Variants in BRF1 observed in about 807,000 individuals in gnomAD.
The protein encoded by BRF1 is BRF1 general transcription factor IIIB subunit.
A neutral mutation model predicts 81.7 loss-of-function variants in BRF1; 59 were observed. The observed-to-expected ratio is 0.72, with a 90% CI of 0.59 to 0.90. BRF1 has a LOEUF of 0.90. Ranked by LOEUF, BRF1 falls within the 40% of genes least tolerant of loss-of-function variation. BRF1 has a pLI of 0.00. For synonymous variants in BRF1, 491 were observed against 395.6 expected, an observed-to-expected ratio of 1.24 and a Z score of -2.86; for missense variants, 1,050 against 936.3, an observed-to-expected ratio of 1.12 and a Z score of -1.58.
intron 1 of BRF1, among the ~76,000 whole-genome samples, chr14:105,293,831 C>T (rs2057621537): frequency 6.6e-6 from 1 of 152,238 alleles, no homozygotes. Flanking sequence ...CTCTGGTCAC[C>T]TGCCCTGATG....
At chr14:105,220,189 C>T (rs1892050691) in intron 11 of BRF1, 59 bp from the exon 12 acceptor site, 2 of 1,602,316 alleles carry the variant, frequency 1.2e-6, no homozygotes, top group Admixed American at 1.7e-5. Context: ...AGGAGCGTGG[C>T]CACCACCTGG....
intron 5 of BRF1, among the ~76,000 whole-genome samples, chr14:105,244,490 C>T (rs1595363007): frequency 6.7e-6 from 1 of 149,088 alleles, no homozygotes; most frequent in East Asian, 1.9e-4. Flanking sequence ...CAAGACAAAT[C>T]TGTCAGTGAC....
rs114392340 is a variant in BRF1 at position 105,215,324 on chromosome 14, G to A, written c.1772+2220C>T. On this transcript the variant is annotated intron_variant, in intron 15 of 17. Coordinates refer to ENST00000547530, the MANE Select transcript of BRF1 (RefSeq NM_001519.4). ...CACACCACAATCTGTAGACATACAGGTACACATGTTGCATGCACACACACT... is the reference window on the plus strand; with the variant it reads ...CACACCACAATCTGTAGACATACAGATACACATGTTGCATGCACACACACT... Among the ~76,000 whole-genome samples, 412 of 152,178 alleles carry A rather than the reference G, an allele frequency of 2.7e-3. 2 individuals carry two copies. The highest frequency in any genetic ancestry group is 9.4e-3 in the African/African-American group (389 of 41,500).
intron 5 of BRF1, chr14:105,250,139 C>T: frequency 1.2e-6 from 2 of 1,613,002 alleles, no homozygotes; most frequent in South Asian, 1.1e-5. Flanking sequence ...GGAGGAGACC[C>T]ACAGCATCTT....
At chr14:105,250,886 G>A in intron 5 of BRF1, 1 of 594,432 alleles carries the variant, frequency 1.7e-6, no homozygotes, top group Non-Finnish European at 3.0e-6. Flanking sequence ...CACGTCTCAG[G>A]TGGAGGAAGA....
Position 105,309,496 on chromosome 14 carries a change from A to G in BRF1, c.-162+5826T>C, listed in dbSNP as rs894715793. On this transcript the variant is annotated intron_variant, in intron 1 of 17. Transcript: ENST00000327359. The surrounding 1 kb of genome is among the most constrained non-coding windows in gnomAD (Gnocchi z 4.0). ...CTTTCTGTAGGTGTTGCTGTTTGAAATATCTCACACACCTGGACCTGTGTC... is the reference window on the plus strand; with the variant it reads ...CTTTCTGTAGGTGTTGCTGTTTGAAGTATCTCACACACCTGGACCTGTGTC... Among the ~76,000 whole-genome samples, 1 of 152,194 alleles carries G rather than the reference A, an allele frequency of 6.6e-6. No homozygotes were observed. The highest frequency in any genetic ancestry group is 6.5e-5 in the Admixed American group (1 of 15,280).
At chr14:105,270,173 AC>A (rs2056596677) in intron 3 of BRF1, among the ~76,000 whole-genome samples, 1 of 85,934 alleles carries the variant, frequency 1.2e-5, no homozygotes, top group African/African-American at 4.9e-5. Context: ...TGTTGAAAGG[AC>A]TTTTTTTTTT....
chr14:105,212,055 A>G, intron 16 of BRF1, 58 bp downstream of exon 16: 1 of 1,594,542 alleles, frequency 6.3e-7, no homozygotes, highest in Non-Finnish European at 8.5e-7. Flanking sequence ...ATCTGGGCCC[A>G]GGAAGAAGTG....
chr14:105,219,700 C>G (rs1891934888), intron 12 of BRF1: 2 of 413,732 alleles, frequency 4.8e-6, no homozygotes, highest in Non-Finnish European at 8.8e-6. Flanking sequence ...TGGCTGGAAG[C>G]CCTGGGGTTT....
At chr14:105,241,123 G>T in intron 6 of BRF1, 142 bp downstream of exon 6, 1 of 1,366,684 alleles carries the variant, frequency 7.3e-7, no homozygotes, top group Non-Finnish European at 9.9e-7. Context: ...CGGTGGGCCA[G>T]GCCAGAGTCA....
intron 4 of BRF1, among the ~76,000 whole-genome samples, chr14:105,255,551 C>G (rs1161772542): frequency 1.3e-5 from 2 of 152,204 alleles, no homozygotes; most frequent in Non-Finnish European, 2.9e-5. Context: ...GTGAAATCTA[C>G]ATGAATTCTG....
intron 3 of BRF1, among the ~76,000 whole-genome samples, chr14:105,264,487 A>T (rs1209241859): frequency 6.6e-6 from 1 of 151,832 alleles, no homozygotes; most frequent in African/African-American, 2.4e-5. Context: ...ACACAGTGAA[A>T]CACCGTCTCT....
chr14:105,229,630 GCCCAGC>G (rs2054403352), intron 6 of BRF1, among the ~76,000 whole-genome samples: 1 of 151,102 alleles, frequency 6.6e-6, no homozygotes, highest in African/African-American at 2.4e-5. Context: ...TAGAACAGTC[GCCCAGC>G]TGGGGGCGGG....
At chr14:105,289,056 G>GCTA in intron 1 of BRF1, among the ~76,000 whole-genome samples, 1 of 144,544 alleles carries the variant, frequency 6.9e-6, no homozygotes, top group East Asian at 2.0e-4. Context: ...AAAAAAAGAA[G>GCTA]CTAGAACAGG....
chr14:105,262,561 G>C (rs1035088108), intron 3 of BRF1, among the ~76,000 whole-genome samples: 3 of 152,226 alleles, frequency 2.0e-5, no homozygotes, highest in Admixed American at 6.5e-5. Context: ...CTGTCATCAT[G>C]CATGGCCTCT....
chr14:105,266,771 G>T (rs80322920), intron 3 of BRF1, among the ~76,000 whole-genome samples: 1 of 151,980 alleles, frequency 6.6e-6, no homozygotes, highest in Non-Finnish European at 1.5e-5. Context: ...AAGGCTGGGC[G>T]GGGGGTTCAC....
In BRF1 at chr14:105,249,193, C is replaced by G. The variant is rs61743879; in HGVS notation, c.544+3314G>C. The G allele has an allele frequency of 7.6e-6, 12 of 1,588,756 alleles. No homozygotes were observed. The highest frequency in any genetic ancestry group is 1.0e-5 in the Non-Finnish European group (12 of 1,174,558). On this transcript the variant is annotated intron_variant, in intron 5 of 17. Coordinates refer to ENST00000547530, the MANE Select transcript of BRF1 (RefSeq NM_001519.4). ...TGTTCAACAACGAGCTCATGGCCGA[C>G]GTGCACTTCGTCGTGGGGCCCCCGG...
intron 4 of BRF1, among the ~76,000 whole-genome samples, chr14:105,255,266 G>C (rs2735816): frequency 0.26 from 39,160 of 152,250 alleles, 5,280 homozygotes; most frequent in South Asian, 0.29. Flanking sequence ...GCACTGAGCA[G>C]AGAGCATCTG....
At chr14:105,220,299 T>C (rs587705756) in intron 11 of BRF1, among the ~76,000 whole-genome samples, 169 bp from the exon 12 acceptor site, 3 of 152,294 alleles carry the variant, frequency 2.0e-5, no homozygotes, top group African/African-American at 4.8e-5. Flanking sequence ...TGACCGCACC[T>C]CTTTAAATGC....
Sources: gnomAD v4.1 joint callset for allele counts (sites outside exome capture counted in the v4.1 genomes callset) on GRCh38, gnomAD v4.1.1 for gene constraint, Gnocchi (gnomAD v3.1) non-coding constraint, MANE v1.5 for transcripts, NCBI Gene and HGNC (gene_info 2026-07-23, HGNC 2026-07-21) for gene names.